CNGB1: variants seen among roughly 807,000 people sequenced by gnomAD.
The protein encoded by CNGB1 is cyclic nucleotide-gated channel beta-1.
Under a neutral mutation model 151.7 loss-of-function variants are expected in CNGB1, and 126 were observed. The ratio of observed to expected loss-of-function variants is 0.83; its 90% CI spans 0.72 to 0.96. The LOEUF is 0.96. CNGB1 is among the 40% of genes least tolerant of loss of function. CNGB1 has a pLI of 0.00. For missense variants in CNGB1, 1,698 were observed against 1,627.0 expected (o/e 1.04, Z -0.75); for synonymous variants, 623 against 635.1 (o/e 0.98, Z 0.29).
At chr16:57,928,293 G>A (rs1236299903) in intron 17 of CNGB1, among the ~76,000 whole-genome samples, 1 of 152,226 alleles carries the variant, frequency 6.6e-6, no homozygotes, top group Non-Finnish European at 1.5e-5. Flanking sequence ...TGAGAAAGGA[G>A]CCTAAGGGCA....
intron 26 of CNGB1, 32 bp downstream of exon 26, chr16:57,904,702 T>TG: frequency 6.2e-7 from 1 of 1,613,380 alleles, no homozygotes; most frequent in Non-Finnish European, 8.5e-7. Context: ...TGCAGTCAGG[T>TG]GGGGTGGGAA....
intron 12 of CNGB1, among the ~76,000 whole-genome samples, chr16:57,957,020 G>A (rs1962104056): frequency 6.6e-6 from 1 of 152,178 alleles, no homozygotes; most frequent in South Asian, 2.1e-4. Context: ...GAAGCTCTCT[G>A]GGCATTACCA....
At position 57,917,347 on chromosome 16, in the gene CNGB1, TAA is replaced by T; in HGVS notation, c.2085_2086del (p.Asp695GlufsTer36). Reference sequence around the variant, plus strand: ...CAGGAAGTAGATGAGGTCGCATAGGTAATCCATCAGCAGCCAGTGGTGGATGT... The same window carrying T: ...CAGGAAGTAGATGAGGTCGCATAGGTTCCATCAGCAGCCAGTGGTGGATGT... On this transcript the variant is annotated frameshift_variant, in exon 21 of 33. Transcript: ENST00000251102. LOFTEE classifies it high-confidence loss of function. 1 of 1,614,024 alleles carries T rather than the reference TAA, an allele frequency of 6.2e-7. No homozygotes were observed.
chr16:57,952,647 T>G (rs981983537), intron 12 of CNGB1, among the ~76,000 whole-genome samples: 11 of 151,798 alleles, frequency 7.2e-5, no homozygotes, highest in African/African-American at 2.7e-4. Flanking sequence ...ATTACAGGCA[T>G]GCACCACCAC....
chr16:57,897,596 C>T, intron 30 of CNGB1, 53 bp from the exon 31 acceptor site: 1 of 1,612,084 alleles, frequency 6.2e-7, no homozygotes, highest in Non-Finnish European at 8.5e-7. Context: ...GTTTCGGTCA[C>T]ATTCAGATCT....
chr16:57,955,208 G>A, intron 12 of CNGB1: 1 of 1,531,418 alleles, frequency 6.5e-7, no homozygotes, highest in Non-Finnish European at 8.7e-7. Flanking sequence ...TGTGTGGAGA[G>A]GGAGGGGTTC....
intron 27 of CNGB1, among the ~76,000 whole-genome samples, chr16:57,902,427 A>T (rs772366878): frequency 2.0e-5 from 3 of 151,928 alleles, no homozygotes; most frequent in Admixed American, 6.6e-5. Context: ...TTTAGTTTTT[A>T]TTAAAATAAA....
At chr16:57,904,677 A>T in intron 26 of CNGB1, 57 bp downstream of exon 26, 1 of 1,611,348 alleles carries the variant, frequency 6.2e-7, no homozygotes. Flanking sequence ...TTCTGGCAAC[A>T]GTGGGAGGGG....
intron 1 of CNGB1, among the ~76,000 whole-genome samples, chr16:57,970,222 T>C (rs947825541): frequency 3.3e-5 from 5 of 152,120 alleles, no homozygotes; most frequent in Admixed American, 1.3e-4. Flanking sequence ...ACAGACACAA[T>C]GTTTTCCCAG....
At chr16:57,921,922 C>T (rs1961047797) in intron 18 of CNGB1, among the ~76,000 whole-genome samples, 1 of 152,194 alleles carries the variant, frequency 6.6e-6, no homozygotes, top group Non-Finnish European at 1.5e-5. Flanking sequence ...ATTTGAGGTC[C>T]AGCAGCCTAG....
chr16:57,900,925 C>T (rs1434080009), intron 29 of CNGB1, among the ~76,000 whole-genome samples: 1 of 152,116 alleles, frequency 6.6e-6, no homozygotes, highest in African/African-American at 2.4e-5. Context: ...TTTGCAACCT[C>T]TGACCTAAGC....
Position 57,967,121 on chromosome 16 carries a change from C to T in CNGB1, c.159+7G>A. 2 of 1,614,180 alleles carry T rather than the reference C, an allele frequency of 1.2e-6. No individual in the cohort carries two copies. Among genetic ancestry groups the T allele is most frequent in the Non-Finnish European group, 1.7e-6 (2 of 1,180,038 alleles). The stretch of plus-strand genomic sequence containing the variant: ...CGGCCTGCCCCTCCTCCCGCTCTAC[C>T]TCTCACCATGGACTCGGACTCTGTC... On this transcript the variant is annotated splice_region_variant and intron_variant, in intron 2 of 32. Transcript: ENST00000251102.
At chr16:57,909,190 C>T (rs967830784) in intron 25 of CNGB1, among the ~76,000 whole-genome samples, 1 of 152,078 alleles carries the variant, frequency 6.6e-6, no homozygotes, top group Non-Finnish European at 1.5e-5. Flanking sequence ...ATCACTTGAG[C>T]CCATGAGGTG....
chr16:57,888,526 T>C (rs1177570297), intron 31 of CNGB1, among the ~76,000 whole-genome samples: 1 of 152,094 alleles, frequency 6.6e-6, no homozygotes, highest in African/African-American at 2.4e-5. Flanking sequence ...AGGAGTGTAG[T>C]GGCGTGATCA....
chr16:57,905,704 G>C (rs1298689372), intron 25 of CNGB1, among the ~76,000 whole-genome samples: 1 of 152,254 alleles, frequency 6.6e-6, no homozygotes, highest in African/African-American at 2.4e-5. Flanking sequence ...TGTTACAAAA[G>C]GTTCTGGTGG....
chr16:57,890,909 G>A (rs546305396), intron 31 of CNGB1, among the ~76,000 whole-genome samples: 3 of 152,046 alleles, frequency 2.0e-5, no homozygotes, highest in East Asian at 1.9e-4. Context: ...CCATTCCCAC[G>A]CCCCCCCATG....
intron 29 of CNGB1, among the ~76,000 whole-genome samples, chr16:57,899,942 A>G (rs1277117443): frequency 6.6e-6 from 1 of 152,176 alleles, no homozygotes; most frequent in African/African-American, 2.4e-5. Context: ...GCTCAATTTA[A>G]TTTGCAATCA....
chr16:57,923,208 G>GC (rs1361662950), intron 18 of CNGB1, 65 bp downstream of exon 18: 61 of 1,231,344 alleles, frequency 5.0e-5, no homozygotes, highest in Admixed American at 1.9e-4. Flanking sequence ...ATCCACACTA[G>GC]CCCCCCCACA....
intron 24 of CNGB1, among the ~76,000 whole-genome samples, chr16:57,912,572 T>TG (rs1960748881): frequency 6.9e-6 from 1 of 144,590 alleles, no homozygotes; most frequent in Non-Finnish European, 1.5e-5. Context: ...ACTTCCTGTG[T>TG]TGTGTGTGTG....
Sources: allele counts gnomAD v4.1 joint callset (sites outside exome capture counted in the v4.1 genomes callset), GRCh38; gene constraint gnomAD v4.1.1; transcripts MANE v1.5; gene names NCBI Gene and HGNC (gene_info 2026-07-23, HGNC 2026-07-21).